TBC1D32: variants seen among roughly 807,000 people sequenced by gnomAD.
TBC1D32 encodes protein broad-minded.
TBC1D32 carries 151 observed loss-of-function variants against 170.3 expected under a neutral mutation model. The ratio of observed to expected loss-of-function variants is 0.89; its 90% confidence interval spans 0.78 to 1.01. The LOEUF (loss-of-function observed/expected upper bound fraction) is 1.01. TBC1D32 is among the 50% of genes least tolerant of loss of function. The pLI is 0.00. For missense variants in TBC1D32, 1,464 were observed against 1,457.1 expected (o/e 1.00, Z -0.08); for synonymous variants, 498 against 488.0 (o/e 1.02, Z -0.27).
chr6:121,206,026 A>G lies in TBC1D32; in HGVS notation c.2482-863T>C, dbSNP rs142520170. Among the ~76,000 whole-genome samples, 553 of 152,216 alleles carry G rather than the reference A, an allele frequency of 3.6e-3. 4 individuals are homozygous for G. The highest frequency in any genetic ancestry group is 0.012 in the African/African-American group (519 of 41,536). On this transcript the variant is annotated intron_variant, in intron 21 of 31. Coordinates refer to ENST00000398212, the MANE Select transcript of TBC1D32 (RefSeq NM_152730.6). Reference sequence around the variant, plus strand: ...GGAGTTCGAGACCAGCCTGGCCAACATGGTGAAACACCGTCTCTAGTAAAA... The same window carrying G: ...GGAGTTCGAGACCAGCCTGGCCAACGTGGTGAAACACCGTCTCTAGTAAAA...
At chr6:121,190,605 C>A (rs1376645822) in intron 22 of TBC1D32, among the ~76,000 whole-genome samples, 1 of 152,042 alleles carries the variant, frequency 6.6e-6, no homozygotes, top group African/African-American at 2.4e-5. Context: ...GAGGGACTAG[C>A]CTTTTCATCT....
chr6:121,112,625 C>G lies in TBC1D32; in HGVS notation c.3204G>C (p.Trp1068Cys). 1 of 1,600,166 alleles carries G rather than the reference C, an allele frequency of 6.2e-7. No individual in the cohort carries two copies. ...TTATCATGAACAGAGAAGATACAAA[C>G]CAGTCATGGCCAGCATAATTCCCTT... Reference protein sequence around the residue: ...CLQGNYAGHDWFVSSLFMIML... With the variant: ...CLQGNYAGHDCFVSSLFMIML... The change falls in exon 29 of 32, where the codon TGG becomes TGC. Residue 1068 changes from tryptophan (W) to cysteine (C), a missense_variant. Physicochemically the swap from Trp to Cys is radical, Grantham distance 215. Transcript: ENST00000398212.
chr6:121,329,152 A>G (rs1046775748), intron 1 of TBC1D32, among the ~76,000 whole-genome samples: 31 of 152,330 alleles, frequency 2.0e-4, no homozygotes, highest in African/African-American at 7.5e-4. Flanking sequence ...TGAGTAAAAG[A>G]ACATTCACTT....
intron 1 of TBC1D32, among the ~76,000 whole-genome samples, chr6:121,324,571 T>C (rs1353711949): frequency 6.6e-6 from 1 of 152,194 alleles, no homozygotes; most frequent in East Asian, 1.9e-4. Flanking sequence ...TACTGAATCA[T>C]ATATCATAGA....
intron 20 of TBC1D32, among the ~76,000 whole-genome samples, chr6:121,229,453 C>T (rs1180911492): frequency 6.6e-6 from 1 of 152,120 alleles, no homozygotes; most frequent in Non-Finnish European, 1.5e-5. Context: ...AGTCAGGGAG[C>T]AGTTCAGCCT....
chr6:121,276,804 G>C (rs1157321684), intron 15 of TBC1D32, among the ~76,000 whole-genome samples: 5 of 152,054 alleles, frequency 3.3e-5, no homozygotes, highest in African/African-American at 1.2e-4. Context: ...AAATTATCAA[G>C]GGTAAAAAGG....
At chr6:121,240,471 T>G (rs187227660) in intron 19 of TBC1D32, among the ~76,000 whole-genome samples, 18 of 146,886 alleles carry the variant, frequency 1.2e-4, no homozygotes, top group African/African-American at 4.2e-4. Flanking sequence ...GAAAAATATT[T>G]GTATTTAAAG....
intron 24 of TBC1D32, among the ~76,000 whole-genome samples, chr6:121,156,297 A>T (rs9401372): frequency 0.66 from 100,417 of 151,786 alleles, 38,373 homozygotes; most frequent in Non-Finnish European, 0.86. Context: ...ATTTGTGTGC[A>T]TTGAAGTGTT....
Position 121,256,286 on chromosome 6 carries a change from C to G in TBC1D32, c.1734-1G>C. ...GGCAATTATATGAGCACCTGTAGGA[C>G]TAAAAGATGATACCTGAAAGTGATT... On this transcript the variant is annotated splice_acceptor_variant, in intron 15 of 31. Transcript: ENST00000398212. LOFTEE classifies it high-confidence loss of function. 1 of 1,605,246 alleles carries G rather than the reference C, an allele frequency of 6.2e-7. No homozygotes were observed. Among genetic ancestry groups the G allele is most frequent in the Non-Finnish European group, 8.5e-7 (1 of 1,176,216 alleles).
chr6:121,330,810 C>T (rs4580906), intron 1 of TBC1D32, among the ~76,000 whole-genome samples: 8,186 of 152,188 alleles, frequency 0.054, 442 homozygotes, highest in East Asian at 0.12. Context: ...TGCTGCTTTA[C>T]AGGGAGCCAG....
intron 9 of TBC1D32, 136 bp downstream of exon 9, chr6:121,303,481 G>T (rs539055174): frequency 8.1e-6 from 6 of 742,632 alleles, no homozygotes; most frequent in Non-Finnish European, 1.1e-5. Flanking sequence ...ACCTCGTAAA[G>T]TTTTATAAGA....
intron 26 of TBC1D32, among the ~76,000 whole-genome samples, chr6:121,122,829 G>A (rs79923600): frequency 6.6e-6 from 1 of 152,036 alleles, no homozygotes; most frequent in African/African-American, 2.4e-5. Flanking sequence ...TCTGGGACAG[G>A]GGGTAGTTGG....
At chr6:121,119,176 C>A (rs1342751292) in intron 26 of TBC1D32, among the ~76,000 whole-genome samples, 1 of 152,128 alleles carries the variant, frequency 6.6e-6, no homozygotes, top group African/African-American at 2.4e-5. Context: ...ATTCAAATAG[C>A]ATATTAAAAA....
intron 24 of TBC1D32, among the ~76,000 whole-genome samples, chr6:121,154,852 T>G (rs1454771479): frequency 6.6e-6 from 1 of 152,200 alleles, no homozygotes; most frequent in East Asian, 1.9e-4. Context: ...TTCTGTTTTA[T>G]TGGTCTATGT....
At chr6:121,229,437 G>C (rs1290436061) in intron 20 of TBC1D32, among the ~76,000 whole-genome samples, 4 of 152,104 alleles carry the variant, frequency 2.6e-5, no homozygotes, top group African/African-American at 9.7e-5. Flanking sequence ...ATTTCAGGAA[G>C]TGCACAGTCA....
intron 30 of TBC1D32, among the ~76,000 whole-genome samples, chr6:121,102,198 T>C (rs1778186956): frequency 6.6e-6 from 1 of 152,000 alleles, no homozygotes; most frequent in Admixed American, 6.6e-5. Flanking sequence ...CATCCCCATC[T>C]AGCTACCAAT....
rs748671360 is a variant in TBC1D32 at position 121,279,387 on chromosome 6, AAAT to A, written c.1609-145_1609-143del. 1.3e-5 allele frequency: 13 copies of A among 984,352 alleles called. 1 individual carries two copies. The highest frequency in any genetic ancestry group is 9.7e-5 in the Admixed American group (3 of 31,008). The allele number at this position is 984,352 out of a possible 1,614,324, so 61.0% of individuals were successfully genotyped here. On this transcript the variant is annotated intron_variant, in intron 14 of 31. Transcript: ENST00000398212. ...AAGCTTAATGATTTGTTTGGCTGTGAAATAATATGTCTGAAAAAAATGTGTTAT... is the reference window on the plus strand; with the variant it reads ...AAGCTTAATGATTTGTTTGGCTGTGAAATATGTCTGAAAAAAATGTGTTAT...
intron 24 of TBC1D32, among the ~76,000 whole-genome samples, chr6:121,148,777 C>T (rs1314054100): frequency 2.6e-5 from 4 of 152,086 alleles, no homozygotes; most frequent in Non-Finnish European, 4.4e-5. Context: ...CCATGCCCAG[C>T]GAATGTTTGG....
chr6:121,119,332 T>C (rs1040202992), intron 26 of TBC1D32, among the ~76,000 whole-genome samples: 1 of 152,148 alleles, frequency 6.6e-6, no homozygotes, highest in Non-Finnish European at 1.5e-5. Flanking sequence ...AAATATCTCT[T>C]TGCAATTATC....
Sources: allele counts gnomAD v4.1 joint callset (sites outside exome capture counted in the v4.1 genomes callset), GRCh38; gene constraint gnomAD v4.1.1; transcripts MANE v1.5; gene names NCBI Gene and HGNC (gene_info 2026-07-23, HGNC 2026-07-21).